The following MBNL2 variants were observed in gnomAD, a reference collection of about 807,000 sequenced individuals.
MBNL2 encodes the protein muscleblind like splicing regulator 2, also known as muscleblind-like protein 2.
Under a neutral mutation model 41.9 loss-of-function variants are expected in MBNL2, and 17 were observed. The observed-to-expected ratio is 0.41, with a 90% CI of 0.28 to 0.61. The LOEUF (loss-of-function observed/expected upper bound fraction) is 0.61, where lower values mean the gene tolerates loss of function less well. Ranked by LOEUF, MBNL2 falls within the 20% of genes least tolerant of loss-of-function variation. The pLI is 0.35. For missense variants in MBNL2, 336 were observed against 505.6 expected, an observed-to-expected ratio of 0.66 and a Z score of 3.22; for synonymous variants, 195 against 182.9, an observed-to-expected ratio of 1.07 and a Z score of -0.53.
At chr13:97,263,743 A>G (rs1279311113) in intron 1 of MBNL2, among the ~76,000 whole-genome samples, 2 of 151,506 alleles carry the variant, frequency 1.3e-5, no homozygotes, top group Middle Eastern at 3.4e-3. Flanking sequence ...TCAGCCTCCC[A>G]AGTAGCTGGG....
the MBNL2 span, among the ~76,000 whole-genome samples, chr13:97,165,658 G>A: frequency 3.9e-5 from 6 of 152,160 alleles, no homozygotes; most frequent in Non-Finnish European, 7.3e-5. Context: ...CACTAACAGA[G>A]ACACTCAACA....
intron 1 of MBNL2, among the ~76,000 whole-genome samples, chr13:97,251,823 T>A (rs962437106): frequency 1.3e-5 from 2 of 150,526 alleles, no homozygotes; most frequent in African/African-American, 4.9e-5. Flanking sequence ...TATTATCTTG[T>A]ATCCTCAATT....
rs761047291 is a variant in MBNL2 at position 97,365,188 on chromosome 13, T to G, written c.1048+17T>G. On this transcript the variant is annotated intron_variant, in intron 8 of 8. Coordinates refer to ENST00000679496, the MANE Select transcript of MBNL2 (RefSeq NM_001382683.1). Reference sequence around the variant, plus strand: ...CCAGTATTGGTAGGTTTCAACCTTTTTTATTTGTCTTTTATATGATGTACA... The same window carrying G: ...CCAGTATTGGTAGGTTTCAACCTTTGTTATTTGTCTTTTATATGATGTACA... The G allele has an allele frequency of 1.3e-6, 2 of 1,556,916 alleles. No homozygotes were observed. The highest frequency in any genetic ancestry group is 1.8e-6 in the Non-Finnish European group (2 of 1,127,962).
upstream of MBNL2, among the ~76,000 whole-genome samples, chr13:97,221,897 G>A (rs1337974402): frequency 6.6e-6 from 1 of 152,202 alleles, no homozygotes; most frequent in Non-Finnish European, 1.5e-5. Flanking sequence ...TGCCATGGCA[G>A]ACGTTGAATT....
At chr13:97,201,730 T>A in the MBNL2 span, among the ~76,000 whole-genome samples, 1 of 152,320 alleles carries the variant, frequency 6.6e-6, no homozygotes, top group South Asian at 2.1e-4. Context: ...TTTCTATATA[T>A]AGGAAACTGA....
At chr13:97,332,682 T>C (rs996390158) in intron 2 of MBNL2, among the ~76,000 whole-genome samples, 19 of 152,362 alleles carry the variant, frequency 1.2e-4, no homozygotes, top group Non-Finnish European at 2.1e-4. Flanking sequence ...GTCTTTACAA[T>C]AGACTTTCCA....
At chr13:97,196,484 C>A in the MBNL2 span, among the ~76,000 whole-genome samples, 1 of 151,992 alleles carries the variant, frequency 6.6e-6, no homozygotes, top group African/African-American at 2.4e-5. Context: ...AACCTACAGG[C>A]GGTATTAAGG....
the MBNL2 span, among the ~76,000 whole-genome samples, chr13:97,185,248 C>A: frequency 1.3e-5 from 2 of 152,178 alleles, no homozygotes; most frequent in Non-Finnish European, 2.9e-5. Context: ...AGTTGACCTG[C>A]AGTAAATAAT....
At chr13:97,148,717 A>G in the MBNL2 span, among the ~76,000 whole-genome samples, 2 of 152,198 alleles carry the variant, frequency 1.3e-5, no homozygotes, top group Non-Finnish European at 2.9e-5. Context: ...CTTCCATGGG[A>G]AATATCAATA....
chr13:97,191,695 T>C, the MBNL2 span, among the ~76,000 whole-genome samples: 2 of 152,312 alleles, frequency 1.3e-5, no homozygotes, highest in East Asian at 1.9e-4. Context: ...ACTGTACCTA[T>C]AGGCAAATGT....
chr13:97,373,605 A>AAT (rs35049420), intron 8 of MBNL2, among the ~76,000 whole-genome samples: 7,140 of 145,270 alleles, frequency 0.049, 372 homozygotes, highest in Admixed American at 0.12. Context: ...GTATGCTAAA[A>AAT]ATATATATAT....
chr13:97,294,561 T>C (rs1479218893), intron 2 of MBNL2, among the ~76,000 whole-genome samples: 2 of 152,246 alleles, frequency 1.3e-5, no homozygotes, highest in Non-Finnish European at 2.9e-5. Context: ...TGCCAAATGA[T>C]ATTCCTTCGG....
At chr13:97,177,367 C>G in the MBNL2 span, among the ~76,000 whole-genome samples, 3 of 152,006 alleles carry the variant, frequency 2.0e-5, no homozygotes, top group Admixed American at 6.6e-5. Flanking sequence ...ATAAGAGAAG[C>G]TTTTGCAGCC....
chr13:97,180,740 T>TA, the MBNL2 span, among the ~76,000 whole-genome samples: 2,533 of 85,882 alleles, frequency 0.029, 51 homozygotes, highest in African/African-American at 0.066. Context: ...AGACTCCATC[T>TA]AAAAAAAAAA....
intron 2 of MBNL2, among the ~76,000 whole-genome samples, chr13:97,297,808 C>T (rs1040475567): frequency 2.0e-5 from 3 of 152,112 alleles, no homozygotes; most frequent in Middle Eastern, 3.2e-3. Flanking sequence ...CAGTTGCAGA[C>T]GAAGTTTTAA....
At chr13:97,290,181 TTTACTC>T (rs933750674) in intron 2 of MBNL2, among the ~76,000 whole-genome samples, 1 of 152,124 alleles carries the variant, frequency 6.6e-6, no homozygotes, top group African/African-American at 2.4e-5. Context: ...TGTACCTCGG[TTTACTC>T]TTTAGCAAAA....
chr13:97,357,446 A>C (rs774222023), intron 6 of MBNL2, 36 bp from the exon 7 acceptor site: 17 of 1,590,354 alleles, frequency 1.1e-5, no homozygotes, highest in Non-Finnish European at 1.5e-5. Context: ...TGTTTGCTTT[A>C]AGTTAGACAT....
intron 3 of MBNL2, among the ~76,000 whole-genome samples, chr13:97,335,649 G>A (rs894063269): frequency 4.6e-5 from 7 of 152,134 alleles, no homozygotes; most frequent in African/African-American, 1.4e-4. Flanking sequence ...GGGATAGACA[G>A]ACACAAGAAA....
intron 8 of MBNL2, among the ~76,000 whole-genome samples, chr13:97,380,209 T>G (rs1408207990): frequency 6.6e-6 from 1 of 152,148 alleles, no homozygotes; most frequent in African/African-American, 2.4e-5. Flanking sequence ...AGAACCCACC[T>G]TGAGCTGGGC....
Sources: allele counts gnomAD v4.1 joint callset (sites outside exome capture counted in the v4.1 genomes callset), GRCh38; gene constraint gnomAD v4.1.1; transcripts MANE v1.5; gene names NCBI Gene and HGNC (gene_info 2026-07-23, HGNC 2026-07-21).